SGPP2: variants seen among roughly 807,000 people sequenced by gnomAD.
The protein encoded by SGPP2 is sphingosine-1-phosphate phosphatase 2.
Under a neutral mutation model 33.9 loss-of-function variants are expected in SGPP2, and 30 were observed. The observed-to-expected ratio is 0.89, with a 90% CI of 0.66 to 1.20. The LOEUF (loss-of-function observed/expected upper bound fraction) is 1.20, where lower values mean the gene tolerates loss of function less well. SGPP2 is among the 50% of genes most tolerant of loss of function. The pLI is 0.00. For missense variants in SGPP2, 458 were observed against 532.1 expected (o/e 0.86, Z 1.37); for synonymous variants, 233 against 225.0 (o/e 1.04, Z -0.32).
chr2:222,452,916 T>C, intron 1 of SGPP2: 2 of 1,590,372 alleles, frequency 1.3e-6, no homozygotes, highest in Non-Finnish European at 1.7e-6. Context: ...GTTCAGGATA[T>C]TGGAAAGTTC....
rs1001175273 is a variant in SGPP2, at chr2:222,424,646, C to G, written c.44C>G (p.Ala15Gly). 1.4e-6 allele frequency: 2 copies of G among 1,428,968 alleles called. No individual in the cohort carries two copies. Among genetic ancestry groups the G allele is most frequent in the Non-Finnish European group, 1.8e-6 (2 of 1,089,350 alleles). The allele number at this position is 1,428,968 out of a possible 1,614,324, so 88.5% of individuals were successfully genotyped here. ...LRSLQDSQLV[A>G]RFQRRCGLFP... ...AGCCTGCAGGATTCCCAGCTCGTCG[C>G]CCGCTTCCAGCGCCGCTGCGGGCTC... The change falls in exon 1 of 5, where the codon GCC becomes GGC. Residue 15 changes from alanine to glycine, a missense_variant. Coordinates refer to ENST00000321276, the MANE Select transcript of SGPP2 (RefSeq NM_152386.4).
intron 4 of SGPP2, among the ~76,000 whole-genome samples, chr2:222,551,809 G>A (rs1689299639): frequency 6.6e-6 from 1 of 152,118 alleles, no homozygotes; most frequent in Non-Finnish European, 1.5e-5. Flanking sequence ...CAATTACAAA[G>A]GAAGACAAAG....
At chr2:222,464,246 T>C (rs896347637) in intron 1 of SGPP2, among the ~76,000 whole-genome samples, 2 of 152,240 alleles carry the variant, frequency 1.3e-5, no homozygotes, top group African/African-American at 4.8e-5. Context: ...AAAGGGCAGC[T>C]GGCTCTCCCA....
At chr2:222,543,072 C>T (rs1699021423) in intron 4 of SGPP2, among the ~76,000 whole-genome samples, 1 of 152,162 alleles carries the variant, frequency 6.6e-6, no homozygotes, top group Non-Finnish European at 1.5e-5. Context: ...AGAAGTTCTT[C>T]ATTTTAATGT....
chr2:222,481,317 A>G (rs1574853663), intron 2 of SGPP2, among the ~76,000 whole-genome samples: 2 of 152,230 alleles, frequency 1.3e-5, no homozygotes, highest in African/African-American at 2.4e-5. Flanking sequence ...TGAAGATGAA[A>G]ACATTTTTCA....
At chr2:222,554,421 T>C (rs190593059) in intron 4 of SGPP2, among the ~76,000 whole-genome samples, 327 of 152,366 alleles carry the variant, frequency 2.1e-3, no homozygotes, top group Non-Finnish European at 3.7e-3. Flanking sequence ...TGTGATGCTA[T>C]TACAAACAAT....
intron 4 of SGPP2, among the ~76,000 whole-genome samples, chr2:222,554,997 T>C (rs187695050): frequency 1.6e-4 from 25 of 152,184 alleles, no homozygotes; most frequent in Middle Eastern, 3.4e-3. Flanking sequence ...CTCCCATCCC[T>C]TCGGAGTCAC....
At chr2:222,501,298 T>G (rs972272476) in intron 2 of SGPP2, among the ~76,000 whole-genome samples, 1 of 147,760 alleles carries the variant, frequency 6.8e-6, no homozygotes, top group South Asian at 2.3e-4. Context: ...CTTGGAGTCT[T>G]TAATCTCTCC....
At chr2:222,451,546 G>T (rs1697489116) in intron 1 of SGPP2, among the ~76,000 whole-genome samples, 1 of 152,238 alleles carries the variant, frequency 6.6e-6, no homozygotes, top group South Asian at 2.1e-4. Context: ...GGGCTGATGT[G>T]CTGAGCCCTG....
At chr2:222,522,949 C>T (rs1005836131) in intron 3 of SGPP2, among the ~76,000 whole-genome samples, 1 of 152,232 alleles carries the variant, frequency 6.6e-6, no homozygotes, top group African/African-American at 2.4e-5. Context: ...TCCCAAAGCA[C>T]TGGGATTACA....
At chr2:222,492,978 T>C (rs1698221147) in intron 2 of SGPP2, among the ~76,000 whole-genome samples, 1 of 152,214 alleles carries the variant, frequency 6.6e-6, no homozygotes, top group Non-Finnish European at 1.5e-5. Flanking sequence ...ATCAGCATTC[T>C]GGTCAAAACC....
intron 2 of SGPP2, among the ~76,000 whole-genome samples, chr2:222,510,913 T>C (rs573888873): frequency 6.6e-6 from 1 of 152,334 alleles, no homozygotes; most frequent in African/African-American, 2.4e-5. Context: ...AAGCGTCTTA[T>C]ATTAATGTGG....
At chr2:222,434,921 T>G (rs1697211658) in intron 1 of SGPP2, among the ~76,000 whole-genome samples, 1 of 151,344 alleles carries the variant, frequency 6.6e-6, no homozygotes. Context: ...TGTTAGAAGT[T>G]GGTTTGTATA....
intron 4 of SGPP2, among the ~76,000 whole-genome samples, chr2:222,544,484 T>C (rs546866414): frequency 2.6e-4 from 40 of 152,334 alleles, no homozygotes; most frequent in African/African-American, 9.4e-4. Context: ...TCAATTCCCT[T>C]ATATAAAATA....
rs571158935 is a variant in SGPP2 at position 222,476,824 on chromosome 2, G to A, written c.378+2098G>A. On this transcript the variant is annotated intron_variant, in intron 2 of 4. Coordinates refer to ENST00000321276, the MANE Select transcript of SGPP2 (RefSeq NM_152386.4). This position sits in a 1 kb window ranked among gnomAD's most constrained non-coding sequence, Gnocchi z 4.3. ...TATATCCGTGCGTGTATATAGGTGTGTGTATATGTGTATGTGTGTATATAG... is the reference window on the plus strand; with the variant it reads ...TATATCCGTGCGTGTATATAGGTGTATGTATATGTGTATGTGTGTATATAG... 6.6e-6 allele frequency among the ~76,000 whole-genome samples: 1 copy of A among 152,038 alleles called. No homozygotes were observed. Among genetic ancestry groups the A allele is most frequent in the African/African-American group, 2.4e-5 (1 of 41,428 alleles).
intron 1 of SGPP2, chr2:222,452,450 T>C (rs780305591): frequency 3.8e-6 from 3 of 795,198 alleles, no homozygotes; most frequent in Non-Finnish European, 2.2e-6. Context: ...AATAAATCCA[T>C]GGTTTGTGGA....
chr2:222,484,261 T>G (rs1250831920), intron 2 of SGPP2, among the ~76,000 whole-genome samples: 2 of 152,206 alleles, frequency 1.3e-5, no homozygotes, highest in Non-Finnish European at 2.9e-5. Flanking sequence ...CGTCCCTCTC[T>G]CCTTCCTTCC....
At chr2:222,549,674 AAATC>A (rs913701436) in intron 4 of SGPP2, among the ~76,000 whole-genome samples, 56 of 152,328 alleles carry the variant, frequency 3.7e-4, no homozygotes, top group Non-Finnish European at 6.5e-4. Flanking sequence ...ATAGATTAAA[AAATC>A]AAAGCGATTT....
intron 1 of SGPP2, among the ~76,000 whole-genome samples, chr2:222,426,256 A>G (rs953722274): frequency 3.3e-5 from 5 of 151,792 alleles, no homozygotes; most frequent in African/African-American, 1.2e-4. Flanking sequence ...ACAAACAAAC[A>G]AACAAAAAAC....
Sources: gnomAD v4.1 joint callset for allele counts (sites outside exome capture counted in the v4.1 genomes callset) on GRCh38, gnomAD v4.1.1 for gene constraint, Gnocchi (gnomAD v3.1) non-coding constraint, MANE v1.5 for transcripts, NCBI Gene and HGNC (gene_info 2026-07-23, HGNC 2026-07-21) for gene names.